Variants in ZNF141 observed in about 807,000 individuals in gnomAD.
ZNF141 encodes zinc finger protein 141 (clone pHZ-44).
Under a neutral mutation model 11.3 loss-of-function variants are expected in ZNF141, and 7 were observed. The observed-to-expected ratio is 0.62, with a 90% CI of 0.35 to 1.16. The LOEUF is 1.16. Ranked by LOEUF, ZNF141 falls within the 50% of genes most tolerant of loss-of-function variation. The probability of loss-of-function intolerance (pLI) is 0.02; values close to 1 mark genes in which losing one functional copy is unlikely to be tolerated. For missense variants in ZNF141, 535 were observed against 554.0 expected (o/e 0.97, Z 0.34); for synonymous variants, 183 against 190.7 (o/e 0.96, Z 0.33).
intron 3 of ZNF141, among the ~76,000 whole-genome samples, chr4:360,522 A>G (rs1046656274): frequency 7.9e-5 from 12 of 152,178 alleles, no homozygotes; most frequent in East Asian, 1.9e-4. Flanking sequence ...ATTATATTCA[A>G]TATTTTATAG....
At chr4:345,477 C>T (rs1234876133) in intron 3 of ZNF141, among the ~76,000 whole-genome samples, 1 of 152,080 alleles carries the variant, frequency 6.6e-6, no homozygotes, top group Non-Finnish European at 1.5e-5. Flanking sequence ...ATAAAATACA[C>T]TAACACTAAT....
At chr4:338,081 G>C in intron 1 of ZNF141, 95 bp downstream of exon 1, 1 of 1,548,904 alleles carries the variant, frequency 6.5e-7, no homozygotes, top group Non-Finnish European at 8.8e-7. Context: ...CGGAGTCCCC[G>C]CTGCCGCCGC....
chr4:372,206 C>G (rs898622094), intron 3 of ZNF141, among the ~76,000 whole-genome samples: 11 of 152,220 alleles, frequency 7.2e-5, no homozygotes, highest in Non-Finnish European at 1.3e-4. Flanking sequence ...CAAAGTGTAT[C>G]ACCATTTCTA....
Position 375,694 on chromosome 4 carries a change from T to G in ZNF141, c.*1832T>G. 6.6e-6 allele frequency among the ~76,000 whole-genome samples: 1 copy of G among 152,186 alleles called. No individual in the cohort carries two copies. The highest frequency in any genetic ancestry group is 1.5e-5 in the Non-Finnish European group (1 of 67,894). On this transcript the variant is annotated 3_prime_UTR_variant, in exon 4 of 4. Transcript: ENST00000240499. Reference sequence around the variant, plus strand: ...AGTATATTTTTTCACTTGAAAAAAGTATAGATTTTTTGAAAAGCATATAAT... The same window carrying G: ...AGTATATTTTTTCACTTGAAAAAAGGATAGATTTTTTGAAAAGCATATAAT...
At position 342,919 on chromosome 4, in the gene ZNF141, G is replaced by T. The variant is rs557475891; in HGVS notation, c.4-863G>T. On this transcript the variant is annotated intron_variant, in intron 1 of 3. Transcript: ENST00000240499. ...GTCCAAAAGCTTCAGCATTTCCTTAGTGTCAGGATCTACTTCAATTATCTC... is the reference window on the plus strand; with the variant it reads ...GTCCAAAAGCTTCAGCATTTCCTTATTGTCAGGATCTACTTCAATTATCTC... The T allele has an allele frequency of 2.8e-5, 44 of 1,578,176 alleles. No homozygotes were observed. In the African/African-American group the frequency reaches 5.7e-4, roughly 20 times the overall value.
Position 381,945 on chromosome 4 carries a change from A to ATTTTTTTTTTTTTTTTTTT in ZNF141, c.*8083_*8084insTTTTTTTTTTTTTTTTTTT, listed in dbSNP as rs1553855749. On this transcript the variant is annotated 3_prime_UTR_variant, in exon 4 of 4. Coordinates refer to ENST00000240499, the MANE Select transcript of ZNF141 (RefSeq NM_003441.4). ...GCTAGGGCCACCACCATCTCTGGGA[A>ATTTTTTTTTTTTTTTTTTT]CTTTTTTTTTTTTTTTTTTTGAGAC... Among the ~76,000 whole-genome samples, 1 of 110,054 alleles carries ATTTTTTTTTTTTTTTTTTT rather than the reference A, an allele frequency of 9.1e-6. No individual in the cohort carries two copies. The highest frequency in any genetic ancestry group is 8.2e-5 in the Admixed American group (1 of 12,218). The allele number at this position is 110,054 out of a possible 152,430, so 72.2% of individuals were successfully genotyped here.
rs1411024310 is a variant in ZNF141, at chr4:380,904, CGT to C, written c.*7043_*7044del. ...TGTTGTCATATATGTGTGTGCAAAA[CGT>C]ATAAAATATACAGAAAAGAGAAATA... On this transcript the variant is annotated 3_prime_UTR_variant, in exon 4 of 4. Transcript: ENST00000240499. Among the ~76,000 whole-genome samples, 8 of 152,016 alleles carry C rather than the reference CGT, an allele frequency of 5.3e-5. No individual in the cohort carries two copies. Among genetic ancestry groups the C allele is most frequent in the African/African-American group, 1.5e-4 (6 of 41,366 alleles).
intron 3 of ZNF141, among the ~76,000 whole-genome samples, chr4:349,581 G>C (rs978411875): frequency 1.2e-4 from 19 of 152,110 alleles, no homozygotes; most frequent in African/African-American, 4.6e-4. Flanking sequence ...GTCTGCATTT[G>C]ACAAATTTCA....
chr4:349,863 G>C lies in ZNF141; in HGVS notation c.226+5433G>C, dbSNP rs115888797. On this transcript the variant is annotated intron_variant, in intron 3 of 3. Transcript: ENST00000240499. The stretch of plus-strand genomic sequence containing the variant: ...AGGGTTTTGAAGTTTGTCTGCATAT[G>C]ATGGGCCAAATACCAGGTGTATGAA... 3.4e-3 allele frequency among the ~76,000 whole-genome samples: 524 copies of C among 152,318 alleles called. 4 individuals are homozygous for C. Among genetic ancestry groups the C allele is most frequent in the African/African-American group, 0.012 (507 of 41,568 alleles).
At position 341,605 on chromosome 4, in the gene ZNF141, T is replaced by C. The variant is rs116161766; in HGVS notation, c.4-2177T>C. Among the ~76,000 whole-genome samples, 254 of 152,272 alleles carry C rather than the reference T, an allele frequency of 1.7e-3. 1 individual carries two copies. The highest frequency in any genetic ancestry group is 5.9e-3 in the African/African-American group (244 of 41,552). ...GAATCAAATTTCTCTTGGGCAGGCT[T>C]AGAAAAGACAAAACCGAAAGTACTT... is the stretch of plus-strand genomic sequence containing the variant. On this transcript the variant is annotated intron_variant, in intron 1 of 3. Transcript: ENST00000240499.
chr4:364,334 G>A (rs1275772449), intron 3 of ZNF141, among the ~76,000 whole-genome samples: 3 of 151,982 alleles, frequency 2.0e-5, no homozygotes, highest in African/African-American at 7.3e-5. Flanking sequence ...ACTTTTTTTG[G>A]TTGGTAGGCT....
chr4:344,478 G>A (rs1721223261), intron 3 of ZNF141, 48 bp downstream of exon 3: 1 of 1,531,750 alleles, frequency 6.5e-7, no homozygotes, highest in Non-Finnish European at 8.9e-7. Context: ...GGGACCAAAG[G>A]TCAAGAAGGA....
chr4:341,015 C>G (rs1721020267), intron 1 of ZNF141, among the ~76,000 whole-genome samples: 1 of 152,016 alleles, frequency 6.6e-6, no homozygotes, highest in Non-Finnish European at 1.5e-5. Context: ...CAAATAAACT[C>G]TCTTCTTATA....
At chr4:371,380 G>T (rs9684325) in intron 3 of ZNF141, among the ~76,000 whole-genome samples, 39,533 of 150,234 alleles carry the variant, frequency 0.26, 5,188 homozygotes, top group Middle Eastern at 0.34. Flanking sequence ...TACAGGCATG[G>T]GCCACCATGC....
rs902498076 is a variant in ZNF141, at chr4:380,366, A to T, written c.*6504A>T. Among the ~76,000 whole-genome samples the T allele has an allele frequency of 1.3e-5, 2 of 151,982 alleles. No homozygotes were observed. Among genetic ancestry groups the T allele is most frequent in the African/African-American group, 4.8e-5 (2 of 41,378 alleles). ...TACTGTATATGTGTTAATAAATTTTATTTTCGGCCAGGCGTGGTGGCTCAC... is the reference window on the plus strand; with the variant it reads ...TACTGTATATGTGTTAATAAATTTTTTTTTCGGCCAGGCGTGGTGGCTCAC... On this transcript the variant is annotated 3_prime_UTR_variant, in exon 4 of 4. Coordinates refer to ENST00000240499, the MANE Select transcript of ZNF141 (RefSeq NM_003441.4).
At chr4:341,991 A>T (rs1451744233) in intron 1 of ZNF141, among the ~76,000 whole-genome samples, 1 of 152,216 alleles carries the variant, frequency 6.6e-6, no homozygotes, top group Admixed American at 6.5e-5. Flanking sequence ...ACACAAAAAT[A>T]AAAAAATTCC....
Position 373,584 on chromosome 4 carries a change from A to C in ZNF141, c.1147A>C (p.Asn383His). Residue 383 changes from asparagine (N) to histidine (H), a missense_variant, in exon 4 of 4, where the codon AAT becomes CAT. Asn to His is a moderately conservative substitution (Grantham distance 68). Coordinates refer to ENST00000240499, the MANE Select transcript of ZNF141 (RefSeq NM_003441.4). ...GKAFGRSRVL[N>H]EHKKIHTGEK... ...AGCCTTTGGACGGTCCAGGGTCCTG[A>C]ATGAACATAAAAAAATTCATACTGG... The C allele has an allele frequency of 6.2e-7, 1 of 1,613,302 alleles. No individual in the cohort carries two copies. The highest frequency in any genetic ancestry group is 8.5e-7 in the Non-Finnish European group (1 of 1,179,790).
chr4:352,763 T>A (rs901000855), intron 3 of ZNF141, among the ~76,000 whole-genome samples: 1 of 152,238 alleles, frequency 6.6e-6, no homozygotes, highest in Non-Finnish European at 1.5e-5. Context: ...TGGCTTTTAC[T>A]GAGCTGTATT....
rs1258210168 is a variant in ZNF141 at position 382,133 on chromosome 4, A to G, written c.*8271A>G. 6.6e-6 allele frequency among the ~76,000 whole-genome samples: 1 copy of G among 151,738 alleles called. No homozygotes were observed. On this transcript the variant is annotated 3_prime_UTR_variant, in exon 4 of 4. Coordinates refer to ENST00000240499, the MANE Select transcript of ZNF141 (RefSeq NM_003441.4). ...GCTAATTTTTTTGTATTTTTAGTAG[A>G]GACGGGGTTTCACCATGTTAGCCAA...
Sources: gnomAD v4.1 joint callset for allele counts (sites outside exome capture counted in the v4.1 genomes callset) on GRCh38, gnomAD v4.1.1 for gene constraint, MANE v1.5 for transcripts, NCBI Gene and HGNC (gene_info 2026-07-23, HGNC 2026-07-21) for gene names.